The following NKAIN3 variants were observed in gnomAD, a reference collection of about 807,000 sequenced individuals.
The protein encoded by NKAIN3 is sodium/potassium-transporting ATPase subunit beta-1-interacting protein 3.
Under a neutral mutation model 30.2 loss-of-function variants are expected in NKAIN3, and 25 were observed. That is an observed-to-expected ratio of 0.83 (90% confidence interval 0.60 to 1.16). NKAIN3 has a LOEUF of 1.16. NKAIN3 is among the 50% of genes most tolerant of loss of function. NKAIN3 has a pLI of 0.00. For synonymous variants in NKAIN3, 91 were observed against 89.6 expected, an observed-to-expected ratio of 1.02 and a Z score of -0.09; for missense variants, 225 against 254.1, an observed-to-expected ratio of 0.89 and a Z score of 0.78.
intron 4 of NKAIN3, among the ~76,000 whole-genome samples, chr8:62,774,195 C>A (rs561434727): frequency 6.6e-6 from 1 of 152,162 alleles, no homozygotes; most frequent in Admixed American, 6.5e-5. Context: ...TTCTTGGTTT[C>A]TTTTTCAGAT....
At chr8:62,674,629 C>T (rs577026354) in intron 3 of NKAIN3, among the ~76,000 whole-genome samples, 1 of 152,252 alleles carries the variant, frequency 6.6e-6, no homozygotes, top group African/African-American at 2.4e-5. Flanking sequence ...TGGTGCCTGG[C>T]TATAAATTTG....
At position 62,849,416 on chromosome 8, in the gene NKAIN3, C is replaced by A. The variant is rs181194316; in HGVS notation, c.472-69037C>A. The stretch of plus-strand genomic sequence containing the variant: ...TTCAGTCTTGGGAGGGCATATGTGC[C>A]AGGAATGTATCCATTTCCTCTTTTT... On this transcript the variant is annotated intron_variant, in intron 4 of 6. Transcript: ENST00000623646. Among the ~76,000 whole-genome samples the A allele has an allele frequency of 2.0e-5, 3 of 151,380 alleles. No homozygotes were observed. In the East Asian group the frequency reaches 5.8e-4, roughly 29 times the overall value.
intron 3 of NKAIN3, among the ~76,000 whole-genome samples, chr8:62,637,172 G>T (rs915026393): frequency 5.3e-5 from 8 of 152,148 alleles, no homozygotes; most frequent in Non-Finnish European, 8.8e-5. Context: ...AATGGATAAA[G>T]TTCAGTGTCT....
chr8:62,366,360 G>A (rs1247403187), intron 1 of NKAIN3, among the ~76,000 whole-genome samples: 1 of 151,940 alleles, frequency 6.6e-6, no homozygotes, highest in East Asian at 1.9e-4. Context: ...CCGAGTAGCT[G>A]GGATTACAGG....
At chr8:62,781,238 A>G (rs1817344664) in intron 4 of NKAIN3, among the ~76,000 whole-genome samples, 2 of 151,934 alleles carry the variant, frequency 1.3e-5, no homozygotes, top group Admixed American at 1.3e-4. Flanking sequence ...TGTGAAATAT[A>G]TCTACAAGAA....
chr8:62,254,551 A>G (rs186108236), intron 1 of NKAIN3, among the ~76,000 whole-genome samples: 3 of 152,324 alleles, frequency 2.0e-5, no homozygotes, highest in Middle Eastern at 3.4e-3. Flanking sequence ...ACAAAACACA[A>G]AAAACATAGA....
At chr8:62,706,868 T>C (rs560930653) in intron 3 of NKAIN3, among the ~76,000 whole-genome samples, 42 of 152,164 alleles carry the variant, frequency 2.8e-4, no homozygotes, top group African/African-American at 9.4e-4. Flanking sequence ...CCAAAGTTCA[T>C]TGTATCATTC....
intron 3 of NKAIN3, among the ~76,000 whole-genome samples, chr8:62,709,481 C>T (rs182793588): frequency 3.7e-4 from 57 of 152,232 alleles, no homozygotes; most frequent in Admixed American, 1.2e-3. Flanking sequence ...TTATCCATCT[C>T]GTCTACGTTT....
intron 1 of NKAIN3, among the ~76,000 whole-genome samples, chr8:62,491,949 T>C (rs1486675803): frequency 6.6e-6 from 1 of 152,114 alleles, no homozygotes; most frequent in Admixed American, 6.6e-5. Flanking sequence ...GTAATGTCCG[T>C]TGTTCCTGAG....
intron 1 of NKAIN3, among the ~76,000 whole-genome samples, chr8:62,337,639 T>C: frequency 6.6e-6 from 1 of 151,838 alleles, no homozygotes; most frequent in East Asian, 1.9e-4. Flanking sequence ...TGTACACATA[T>C]ACAAACAACA....
chr8:62,294,869 A>C (rs1813777148), intron 1 of NKAIN3, among the ~76,000 whole-genome samples: 1 of 152,122 alleles, frequency 6.6e-6, no homozygotes, highest in South Asian at 2.1e-4. Flanking sequence ...AGTCAAAGTA[A>C]TTACCTACAT....
chr8:62,888,141 G>A (rs1161003444), intron 4 of NKAIN3, among the ~76,000 whole-genome samples: 1 of 152,160 alleles, frequency 6.6e-6, no homozygotes, highest in African/African-American at 2.4e-5. Flanking sequence ...AGATGAGAAA[G>A]GATTAGTAAA....
chr8:62,525,294 GGGA>G (rs1234309731), intron 1 of NKAIN3, among the ~76,000 whole-genome samples: 3 of 152,194 alleles, frequency 2.0e-5, no homozygotes, highest in South Asian at 2.1e-4. Flanking sequence ...ATTGAGTAGT[GGGA>G]GGAGGAGGAG....
chr8:62,391,298 C>A (rs1429636882), intron 1 of NKAIN3, among the ~76,000 whole-genome samples: 1 of 152,172 alleles, frequency 6.6e-6, no homozygotes, highest in Non-Finnish European at 1.5e-5. Flanking sequence ...GTCTCCCTTG[C>A]AGCCTCAGTG....
intron 1 of NKAIN3, among the ~76,000 whole-genome samples, chr8:62,260,723 C>A (rs1001483653): frequency 6.6e-6 from 1 of 152,104 alleles, no homozygotes; most frequent in African/African-American, 2.4e-5. Context: ...TTCCAGGAAT[C>A]ATGTGAGCCA....
Position 62,976,189 on chromosome 8 carries a change from A to T in NKAIN3, c.*10782A>T, listed in dbSNP as rs987291574. 6.6e-6 allele frequency among the ~76,000 whole-genome samples: 1 copy of T among 151,786 alleles called. No individual in the cohort carries two copies. Among genetic ancestry groups the T allele is most frequent in the African/African-American group, 2.4e-5 (1 of 41,338 alleles). ...ATTTGGGGTGGAGAGTTCTGTAGAT[A>T]TCTATTAGGTCTGCTTGGTCAAGAG... On this transcript the variant is annotated 3_prime_UTR_variant, in exon 7 of 7. Transcript: ENST00000623646.
At chr8:62,613,324 G>T (rs1183451436) in intron 3 of NKAIN3, among the ~76,000 whole-genome samples, 5 of 151,984 alleles carry the variant, frequency 3.3e-5, no homozygotes, top group African/African-American at 1.2e-4. Context: ...TTTCCTTCAG[G>T]GCTTTAAATA....
chr8:62,317,628 C>G (rs1006342650), intron 1 of NKAIN3, among the ~76,000 whole-genome samples: 10 of 152,052 alleles, frequency 6.6e-5, no homozygotes, highest in Non-Finnish European at 1.2e-4. Context: ...CTGTTCCATT[C>G]ATCTATATCT....
Position 62,979,631 on chromosome 8 carries a change from A to G in NKAIN3, c.*14224A>G, listed in dbSNP as rs1446981723. 6.6e-6 allele frequency: 1 copy of G among 152,242 alleles called. No homozygotes were observed. Among genetic ancestry groups the G allele is most frequent in the Non-Finnish European group, 1.5e-5 (1 of 68,052 alleles). The allele number at this position is 152,242 out of a possible 1,614,324, so 9.4% of individuals were successfully genotyped here. On this transcript the variant is annotated 3_prime_UTR_variant, in exon 7 of 7. Coordinates refer to ENST00000623646, the MANE Select transcript of NKAIN3 (RefSeq NM_001304533.3). ...TTTAGCATTGAAAAGGACCTCAGCA[A>G]TTCCATTTGCCCCGTTTTCAGATGA...
Sources: allele counts gnomAD v4.1 joint callset (sites outside exome capture counted in the v4.1 genomes callset), GRCh38; gene constraint gnomAD v4.1.1; transcripts MANE v1.5; gene names NCBI Gene and HGNC (gene_info 2026-07-23, HGNC 2026-07-21).